ATG4B: variants seen among roughly 807,000 people sequenced by gnomAD.
ATG4B encodes autophagy related 4B cysteine peptidase.
ATG4B carries 29 observed loss-of-function variants against 56.6 expected under a neutral mutation model. The observed-to-expected ratio is 0.51, with a 90% CI of 0.38 to 0.70. ATG4B has a LOEUF of 0.70. ATG4B is among the 30% of genes least tolerant of loss of function. ATG4B has a pLI of 0.00. For synonymous variants in ATG4B, 224 were observed against 206.1 expected (o/e 1.09, Z -0.74); for missense variants, 461 against 515.5 (o/e 0.89, Z 1.02).
At chr2:241,641,235 T>C (rs1278699097) in intron 1 of ATG4B, among the ~76,000 whole-genome samples, 2 of 152,000 alleles carry the variant, frequency 1.3e-5, no homozygotes, top group African/African-American at 2.4e-5. Context: ...GGCCCCATAG[T>C]GTATGGCCTG....
intron 3 of ATG4B, among the ~76,000 whole-genome samples, chr2:241,653,001 A>G (rs1207962113): frequency 6.6e-6 from 1 of 152,222 alleles, no homozygotes; most frequent in African/African-American, 2.4e-5. Context: ...TGCCTGTCAC[A>G]TGCCGCGCAG....
At chr2:241,642,871 CCTTTTTTTTTTTTT>C (rs1381042420) in intron 1 of ATG4B, among the ~76,000 whole-genome samples, 24 of 98,428 alleles carry the variant, frequency 2.4e-4, no homozygotes, top group Non-Finnish European at 5.7e-5. Flanking sequence ...ACCTCTCCGT[CCTTTTTTTTTTTTT>C]TTTTTTTTTT....
At chr2:241,671,897 A>G (rs2068987339) in intron 12 of ATG4B, 1 of 1,334,250 alleles carries the variant, frequency 7.5e-7, no homozygotes, top group Non-Finnish European at 9.6e-7. Flanking sequence ...AGGCAATGGC[A>G]ATGGAACCAC....
intron 7 of ATG4B, among the ~76,000 whole-genome samples, chr2:241,661,710 G>T (rs2068599256): frequency 6.6e-6 from 1 of 152,172 alleles, no homozygotes; most frequent in African/African-American, 2.4e-5. Flanking sequence ...TGTGGGGTAA[G>T]GGGAGACCTT....
At chr2:241,667,435 C>G (rs1003468147) in intron 8 of ATG4B, among the ~76,000 whole-genome samples, 1 of 151,814 alleles carries the variant, frequency 6.6e-6, no homozygotes, top group Non-Finnish European at 1.5e-5. Flanking sequence ...GAAACCCTGT[C>G]TCTACTAAAA....
At position 241,673,501 on chromosome 2, in the gene ATG4B, CCCGAGGACGCGCG is replaced by C; in HGVS notation, c.*1241_*1253del. 2 of 401,906 alleles carry C rather than the reference CCCGAGGACGCGCG, an allele frequency of 5.0e-6. No individual in the cohort carries two copies. The highest frequency in any genetic ancestry group is 1.0e-5 in the Non-Finnish European group (2 of 192,198). The allele number at this position is 401,906 out of a possible 1,614,324, so 24.9% of individuals were successfully genotyped here. ...TGTGTAGGTCGGGGAGCCAGAGATC[CCCGAGGACGCGCG>C]CCGGACAGTCGGCACTGACCGGCCC... is the stretch of plus-strand genomic sequence containing the variant. On this transcript the variant is annotated 3_prime_UTR_variant, in exon 13 of 13. Transcript: ENST00000404914.
chr2:241,664,761 C>G (rs752879678), intron 7 of ATG4B, among the ~76,000 whole-genome samples: 1 of 151,812 alleles, frequency 6.6e-6, no homozygotes, highest in African/African-American at 2.4e-5. Context: ...GTCAGGAGTT[C>G]GAGACCAGCC....
rs902302173 is a variant in ATG4B at position 241,672,422 on chromosome 2, G to A, written c.*158G>A. ...CTCGTGGACTGAGGCTGCGCTGCCC[G>A]GGAGGCCTTACTGCTTGGTGTCAGA... On this transcript the variant is annotated 3_prime_UTR_variant, in exon 13 of 13. Transcript: ENST00000404914. 6 of 678,676 alleles carry A rather than the reference G, an allele frequency of 8.8e-6. No homozygotes were observed. Among genetic ancestry groups the A allele is most frequent in the Non-Finnish European group, 1.5e-5 (6 of 402,680 alleles). 42.0% of individuals were successfully genotyped at this position (678,676 alleles called of 1,614,324 possible).
chr2:241,643,193 T>C (rs2067954640), intron 1 of ATG4B, among the ~76,000 whole-genome samples: 1 of 151,460 alleles, frequency 6.6e-6, no homozygotes, highest in South Asian at 2.1e-4. Context: ...TACTTCTTCA[T>C]CTTGTTCCTC....
chr2:241,671,797 G>A lies in ATG4B; in HGVS notation c.1108+392G>A, dbSNP rs569201484. 12 of 1,272,954 alleles carry A rather than the reference G, an allele frequency of 9.4e-6. No homozygotes were observed. In the East Asian group the frequency reaches 1.2e-4, roughly 13 times the overall value. 78.9% of individuals were successfully genotyped at this position (1,272,954 alleles called of 1,614,324 possible). A position where few individuals can be genotyped will look rare whatever the true frequency, so the allele number is the denominator to read the frequency against. ...CCCCTCGGACCATGGCCAGCGTGCC[G>A]CAGGAGCCGGCCTGGGCTCGTGCAG... On this transcript the variant is annotated intron_variant, in intron 12 of 12. Coordinates refer to ENST00000404914, the MANE Select transcript of ATG4B (RefSeq NM_013325.5).
At chr2:241,639,900 C>T (rs1404498960) in intron 1 of ATG4B, among the ~76,000 whole-genome samples, 2 of 152,210 alleles carry the variant, frequency 1.3e-5, no homozygotes, top group Non-Finnish European at 1.5e-5. Flanking sequence ...AAGAGAGGTT[C>T]GCAATCCAGT....
intron 11 of ATG4B, among the ~76,000 whole-genome samples, 178 bp downstream of exon 11, chr2:241,670,960 A>G (rs1282078594): frequency 6.6e-6 from 1 of 152,214 alleles, no homozygotes; most frequent in Non-Finnish European, 1.5e-5. Flanking sequence ...TGGATTGCCC[A>G]TCTGGCAACA....
chr2:241,655,637 G>C (rs2068374802), intron 6 of ATG4B, among the ~76,000 whole-genome samples: 1 of 152,150 alleles, frequency 6.6e-6, no homozygotes, highest in Non-Finnish European at 1.5e-5. Context: ...GCTGAAGCTA[G>C]TCTGCAGCCA....
intron 7 of ATG4B, chr2:241,659,673 A>G (rs2068530943): frequency 3.6e-6 from 1 of 276,640 alleles, no homozygotes; most frequent in Non-Finnish European, 7.2e-6. Flanking sequence ...TACATCTAGG[A>G]GGAAAACTGT....
chr2:241,667,980 TG>T, intron 8 of ATG4B, 162 bp from the exon 9 acceptor site: 1 of 619,502 alleles, frequency 1.6e-6, no homozygotes, highest in Non-Finnish European at 2.8e-6. Context: ...GGATGTCCTG[TG>T]GTCTTTCCTG....
intron 3 of ATG4B, 79 bp from the exon 4 acceptor site, chr2:241,653,433 C>G: frequency 6.4e-7 from 1 of 1,550,976 alleles, no homozygotes. Context: ...TGGGACTGAC[C>G]GGCTGCCTCC....
intron 1 of ATG4B, among the ~76,000 whole-genome samples, chr2:241,638,568 A>G (rs1280508822): frequency 6.6e-6 from 1 of 152,214 alleles, no homozygotes. Flanking sequence ...AGTATCCCCC[A>G]TCTGTAAAGA....
chr2:241,670,808 C>T, intron 11 of ATG4B, 26 bp downstream of exon 11: 1 of 1,593,500 alleles, frequency 6.3e-7, no homozygotes, highest in Non-Finnish European at 8.5e-7. Context: ...ACACCCACAG[C>T]CGAGCTGAGC....
intron 1 of ATG4B, among the ~76,000 whole-genome samples, chr2:241,649,242 T>G (rs569613280): frequency 6.6e-6 from 1 of 152,098 alleles, no homozygotes; most frequent in African/African-American, 2.4e-5. Flanking sequence ...GATCTGTGTT[T>G]ATGTAGAATG....
Sources: allele counts gnomAD v4.1 joint callset (sites outside exome capture counted in the v4.1 genomes callset), GRCh38; gene constraint gnomAD v4.1.1; transcripts MANE v1.5; gene names NCBI Gene and HGNC (gene_info 2026-07-23, HGNC 2026-07-21).